Variants in POLD1 observed in about 807,000 individuals in gnomAD.
The protein encoded by POLD1 is DNA polymerase delta 1, catalytic subunit.
In POLD1, 79 loss-of-function variants were observed where a neutral mutation model predicts 129.7. The ratio of observed to expected loss-of-function variants is 0.61; its 90% CI spans 0.51 to 0.73. The LOEUF is 0.73. Ranked by LOEUF, POLD1 falls within the 30% of genes least tolerant of loss-of-function variation. POLD1 has a pLI of 0.00. For synonymous variants in POLD1, 714 were observed against 683.3 expected, an observed-to-expected ratio of 1.04 and a Z score of -0.70; for missense variants, 1,338 against 1,595.8, an observed-to-expected ratio of 0.84 and a Z score of 2.75.
intron 17 of POLD1, 94 bp from the exon 18 acceptor site, chr19:50,413,331 TG>T: frequency 9.9e-7 from 1 of 1,011,448 alleles, no homozygotes; most frequent in Non-Finnish European, 1.5e-6. Context: ...CCTATGCCAC[TG>T]GGAAATGGCA....
rs2228665 is a variant in POLD1 at position 50,399,402 on chromosome 19, C to G, written c.234C>G (p.Arg78=). The G allele has an allele frequency of 6.0e-3, 9,751 of 1,614,070 alleles. 521 individuals are homozygous for G. The African/African-American group carries it at 0.11, about 19-fold the overall frequency. ...TCCCACCATCAGCCATAGATCCTCGCTGGCTTCGGCCCACACCACCAGCGC... is the reference window on the plus strand; with the variant it reads ...TCCCACCATCAGCCATAGATCCTCGGTGGCTTCGGCCCACACCACCAGCGC... ...GQVPPSAIDP[R]WLRPTPPALD... The change falls in exon 3 of 27, where the codon CGC becomes CGG. Residue 78 remains arginine, a synonymous_variant. Transcript: ENST00000440232.
intron 1 of POLD1, among the ~76,000 whole-genome samples, chr19:50,389,017 A>C (rs36024666): frequency 0.022 from 3,302 of 151,324 alleles, 119 homozygotes; most frequent in African/African-American, 0.074. Flanking sequence ...ATTTTTAGTA[A>C]AGATGGGGTT....
At position 50,398,831 on chromosome 19, in the gene POLD1, A is replaced by G. The variant is rs1369625190; in HGVS notation, c.-1-20A>G. The G allele has an allele frequency of 6.2e-7, 1 of 1,606,090 alleles. No homozygotes were observed. Among genetic ancestry groups the G allele is most frequent in the Non-Finnish European group, 8.5e-7 (1 of 1,177,978 alleles). ...GTGTCTCCGGTCAGAACCTCCACCA[A>G]GCTCCAACTTGCCCAGCAGGATGGA... On this transcript the variant is annotated intron_variant, in intron 1 of 26. Transcript: ENST00000440232.
chr19:50,416,988 G>A, intron 24 of POLD1, 57 bp from the exon 25 acceptor site: 2 of 1,504,020 alleles, frequency 1.3e-6, no homozygotes, highest in Admixed American at 4.1e-5. Flanking sequence ...GGGCAGGGAT[G>A]GGGTGGCCCA....
rs1260697914 is a variant in POLD1, at chr19:50,398,962, C to T, written c.111C>T (p.Asp37=). ...DAPRPSQFEE[D]LALMEEMEAE... ...CTCGGCCATCCCAATTCGAGGAGGA[C>T]CTGGCACTGATGGAGGAGATGGAGG... The change falls in exon 2 of 27, where the codon GAC becomes GAT. Residue 37 remains aspartate (D), a synonymous_variant. Coordinates refer to ENST00000440232, the MANE Select transcript of POLD1 (RefSeq NM_002691.4). 1.3e-6 allele frequency: 2 copies of T among 1,581,938 alleles called. No homozygotes were observed. Among genetic ancestry groups the T allele is most frequent in the Non-Finnish European group, 1.7e-6 (2 of 1,164,526 alleles).
chr19:50,406,912 C>T lies in POLD1; in HGVS notation c.1495-71C>T, dbSNP rs1266361400. 7.7e-7 allele frequency: 1 copy of T among 1,304,854 alleles called. No homozygotes were observed. The highest frequency in any genetic ancestry group is 1.5e-5 in the African/African-American group (1 of 68,312). The allele number at this position is 1,304,854 out of a possible 1,614,324, so 80.8% of individuals were successfully genotyped here. On this transcript the variant is annotated intron_variant, in intron 12 of 26. Transcript: ENST00000440232. The surrounding 1 kb of genome is among the most constrained non-coding windows in gnomAD (Gnocchi z 5.5). Reference sequence around the variant, plus strand: ...TCCCCAGGCTACCTCACCCTGACCCCCACTTCCTTCTCCTGCTCCACCTCC... The same window carrying T: ...TCCCCAGGCTACCTCACCCTGACCCTCACTTCCTTCTCCTGCTCCACCTCC...
intron 1 of POLD1, among the ~76,000 whole-genome samples, chr19:50,387,012 G>A (rs535279022): frequency 7.8e-4 from 119 of 152,032 alleles, no homozygotes; most frequent in African/African-American, 2.9e-3. Context: ...CTAACACGGT[G>A]AAACCCCGTC....
At chr19:50,394,604 G>A (rs2038280233) in intron 1 of POLD1, among the ~76,000 whole-genome samples, 1 of 152,000 alleles carries the variant, frequency 6.6e-6, no homozygotes, top group African/African-American at 2.4e-5. Flanking sequence ...GCAGTGAGCC[G>A]AGATCAGCCA....
chr19:50,398,551 CAA>C (rs1391714762), intron 1 of POLD1, among the ~76,000 whole-genome samples: 2 of 93,236 alleles, frequency 2.1e-5, no homozygotes, highest in Non-Finnish European at 3.8e-5. Context: ...GCCTGGGTGA[CAA>C]GAGCACAATT....
In POLD1 at chr19:50,398,048, C is replaced by T. The variant is rs1005376359; in HGVS notation, c.-1-803C>T. 4.6e-5 allele frequency among the ~76,000 whole-genome samples: 7 copies of T among 152,084 alleles called. No individual in the cohort carries two copies. The East Asian group carries it at 9.6e-4, about 21-fold the overall frequency. ...AGAAGTAACAATATGATGTGCATAC[C>T]GCACATGTGGGAGGGCAGAGAGAGG... On this transcript the variant is annotated intron_variant, in intron 1 of 26. Coordinates refer to ENST00000440232, the MANE Select transcript of POLD1 (RefSeq NM_002691.4).
At chr19:50,417,361 T>C (rs980291453) in intron 26 of POLD1, 92 bp downstream of exon 26, 4 of 754,092 alleles carry the variant, frequency 5.3e-6, no homozygotes, top group Non-Finnish European at 8.8e-6. Flanking sequence ...CCAAGGCCTC[T>C]CCTGAGCATC....
chr19:50,408,989 GC>G, intron 15 of POLD1, 88 bp downstream of exon 15: 1 of 1,422,564 alleles, frequency 7.0e-7, no homozygotes, highest in Non-Finnish European at 9.8e-7. Context: ...ATAGGCACAG[GC>G]CCAGAGATAG....
rs1555792551 is a variant in POLD1 at position 50,413,480 on chromosome 19, T to C, written c.2209T>C (p.Ser737Pro). 12 of 1,612,506 alleles carry C rather than the reference T, an allele frequency of 7.4e-6. No homozygotes were observed. The highest frequency in any genetic ancestry group is 1.0e-5 in the Non-Finnish European group (12 of 1,179,300). Residue 737 changes from serine to proline, a missense_variant, in exon 18 of 27, where the codon TCT becomes CCT. Physicochemically the swap from Ser to Pro is moderately conservative, Grantham distance 74. Coordinates refer to ENST00000440232, the MANE Select transcript of POLD1 (RefSeq NM_002691.4). ...CGAGAAAACCAAGCAGCTGGTGGAG[T>C]CTAAGTACACAGTGGAGAATGGCTA... ...MIEKTKQLVE[S>P]KYTVENGYST...
chr19:50,414,245 A>G (rs2039194151), intron 19 of POLD1, among the ~76,000 whole-genome samples: 1 of 152,164 alleles, frequency 6.6e-6, no homozygotes. Flanking sequence ...GGTCCCAGGA[A>G]ACCTTGCACC....
rs1377112487 is a variant in POLD1 at position 50,394,828 on chromosome 19, C to T, written c.-1-4023C>T. Among the ~76,000 whole-genome samples, 5 of 151,680 alleles carry T rather than the reference C, an allele frequency of 3.3e-5. No individual in the cohort carries two copies. In the East Asian group the frequency reaches 9.7e-4, roughly 29 times the overall value. The stretch of plus-strand genomic sequence containing the variant: ...CAGCCTGGACCCTGGGGGACAAGTA[C>T]TTTGTTTTTGTTTGTTTGTTTTTTG... On this transcript the variant is annotated intron_variant, in intron 1 of 26. Coordinates refer to ENST00000440232, the MANE Select transcript of POLD1 (RefSeq NM_002691.4).
rs2039291301 is a variant in POLD1, at chr19:50,416,398, C to T, written c.2823C>T (p.Asp941=). ...KGVAAYMKSE[D]PLFVLEHSLP... The stretch of plus-strand genomic sequence containing the variant: ...GTGTGACTGCCATGTGGCCGCAGGA[C>T]CCGCTGTTCGTGCTGGAGCACAGCC... Residue 941 remains aspartate, a splice_region_variant and synonymous_variant, in exon 23 of 27, where the codon GAC becomes GAT. Transcript: ENST00000440232. The T allele has an allele frequency of 1.9e-6, 3 of 1,548,968 alleles. No individual in the cohort carries two copies. Among genetic ancestry groups the T allele is most frequent in the Non-Finnish European group, 2.6e-6 (3 of 1,147,046 alleles).
chr19:50,392,357 C>T (rs1175045511), intron 1 of POLD1, among the ~76,000 whole-genome samples: 1 of 152,218 alleles, frequency 6.6e-6, no homozygotes, highest in Non-Finnish European at 1.5e-5. Flanking sequence ...CTCAGCCTCC[C>T]AAAGTGTTGG....
At position 50,415,747 on chromosome 19, in the gene POLD1, G is replaced by T. The variant is rs1275263307; in HGVS notation, c.2741G>T (p.Ser914Ile). The T allele has an allele frequency of 6.4e-7, 1 of 1,563,792 alleles. No individual in the cohort carries two copies. The highest frequency in any genetic ancestry group is 1.2e-5 in the South Asian group (1 of 85,408). The change falls in exon 22 of 27, where the codon AGT (serine) becomes ATT (isoleucine). Residue 914 changes from serine to isoleucine, a missense_variant. By Grantham distance (142) the Ser-to-Ile change is moderately radical (BLOSUM62 -2). Coordinates refer to ENST00000440232, the MANE Select transcript of POLD1 (RefSeq NM_002691.4). Reference protein sequence around the residue: ...AERMRKRDPGSAPSLGDRVPY... With the variant: ...AERMRKRDPGIAPSLGDRVPY... ...AGGATGAGGAAGCGGGACCCCGGGA[G>T]TGCGCCCAGCCTGGGCGACCGCGTC...
intron 14 of POLD1, among the ~76,000 whole-genome samples, chr19:50,407,725 ATTTTTTTTTTTT>A (rs571759517): frequency 3.1e-5 from 3 of 95,336 alleles, no homozygotes; most frequent in African/African-American, 9.3e-5. Context: ...CGCCTGGCTA[ATTTTTTTTTTTT>A]TTTTTTTTTT....
Sources: allele counts gnomAD v4.1 joint callset (sites outside exome capture counted in the v4.1 genomes callset), GRCh38; gene constraint gnomAD v4.1.1; non-coding constraint Gnocchi (gnomAD v3.1); transcripts MANE v1.5; gene names NCBI Gene and HGNC (gene_info 2026-07-23, HGNC 2026-07-21).